The following CAMKMT variants were observed in gnomAD, a reference collection of about 807,000 sequenced individuals.
The protein encoded by CAMKMT is calmodulin-lysine N-methyltransferase.
Under a neutral mutation model 48.0 loss-of-function variants are expected in CAMKMT, and 53 were observed. That is an observed-to-expected ratio of 1.10 (90% CI 0.89 to 1.39). CAMKMT has a LOEUF of 1.39. Ranked by LOEUF, CAMKMT falls within the 40% of genes most tolerant of loss-of-function variation. The pLI, the probability that CAMKMT is intolerant of heterozygous loss-of-function variation, is 0.00. For missense variants in CAMKMT, 428 were observed against 402.7 expected (o/e 1.06, Z -0.54); for synonymous variants, 165 against 152.3 (o/e 1.08, Z -0.61).
intron 3 of CAMKMT, among the ~76,000 whole-genome samples, chr2:44,505,628 T>A (rs1670219438): frequency 6.6e-6 from 1 of 152,132 alleles, no homozygotes; most frequent in Non-Finnish European, 1.5e-5. Context: ...TTCTTTATCA[T>A]AAAGGTCTTC....
chr2:44,587,369 AC>A (rs1331373765), intron 3 of CAMKMT, among the ~76,000 whole-genome samples: 3 of 152,156 alleles, frequency 2.0e-5, no homozygotes, highest in Non-Finnish European at 2.9e-5. Flanking sequence ...TGTCAGATTT[AC>A]CCCTAAGAAT....
At chr2:44,525,558 T>TA (rs1414888908) in intron 3 of CAMKMT, among the ~76,000 whole-genome samples, 1 of 152,222 alleles carries the variant, frequency 6.6e-6, no homozygotes, top group East Asian at 1.9e-4. Context: ...TGGGCTGAGA[T>TA]ATTCTTTTCT....
chr2:44,469,431 G>C (rs556055530), intron 3 of CAMKMT, among the ~76,000 whole-genome samples: 1 of 151,588 alleles, frequency 6.6e-6, no homozygotes, highest in Non-Finnish European at 1.5e-5. Context: ...CTTTCAATGC[G>C]TAGCTTTAAG....
intron 3 of CAMKMT, among the ~76,000 whole-genome samples, chr2:44,699,316 A>T (rs111542495): frequency 1.2e-4 from 18 of 152,268 alleles, no homozygotes; most frequent in African/African-American, 4.3e-4. Context: ...AGTCAAAATG[A>T]CTCCTTGATC....
chr2:44,701,334 G>C (rs2104257800), intron 3 of CAMKMT, among the ~76,000 whole-genome samples: 1 of 152,222 alleles, frequency 6.6e-6, no homozygotes, highest in East Asian at 1.9e-4. Flanking sequence ...ATCCTAGTGG[G>C]TGTGAAGTGG....
intron 3 of CAMKMT, among the ~76,000 whole-genome samples, chr2:44,523,703 C>T (rs886373575): frequency 6.6e-6 from 1 of 151,434 alleles, no homozygotes. Flanking sequence ...CTGTATATGA[C>T]CTCTATGGGG....
chr2:44,519,556 C>A (rs960974101), intron 3 of CAMKMT, among the ~76,000 whole-genome samples: 1 of 152,120 alleles, frequency 6.6e-6, no homozygotes, highest in African/African-American at 2.4e-5. Context: ...AGGATAATTT[C>A]ATAAAGATAA....
At position 44,759,904 on chromosome 2, in the gene CAMKMT, A is replaced by G. The variant is rs141150959; in HGVS notation, c.762+5786A>G. ...AGGTAGAACTATAGCAGACAATGTA[A>G]AATACAGCCCAGTGCTATTTTTATT... is the stretch of plus-strand genomic sequence containing the variant. On this transcript the variant is annotated intron_variant, in intron 9 of 10. Transcript: ENST00000378494. 2.8e-3 allele frequency among the ~76,000 whole-genome samples: 425 copies of G among 152,338 alleles called. 3 individuals are homozygous for G. The highest frequency in any genetic ancestry group is 9.6e-3 in the African/African-American group (400 of 41,578).
chr2:44,471,401 C>T (rs1037990239), intron 3 of CAMKMT, among the ~76,000 whole-genome samples: 3 of 151,970 alleles, frequency 2.0e-5, no homozygotes, highest in Non-Finnish European at 4.4e-5. Flanking sequence ...AGTTTGAGAC[C>T]AGCCAAGGCA....
At chr2:44,477,601 T>C (rs921835439) in intron 3 of CAMKMT, among the ~76,000 whole-genome samples, 2 of 152,214 alleles carry the variant, frequency 1.3e-5, no homozygotes, top group South Asian at 4.1e-4. Context: ...TCTAGAATTA[T>C]AAGGTTATAG....
At chr2:44,714,516 C>T (rs372649002) in intron 6 of CAMKMT, among the ~76,000 whole-genome samples, 2 of 152,312 alleles carry the variant, frequency 1.3e-5, no homozygotes, top group South Asian at 2.1e-4. Flanking sequence ...CATTTTCTCT[C>T]AAAGATTCTC....
chr2:44,494,343 A>C (rs1363669372), intron 3 of CAMKMT, among the ~76,000 whole-genome samples: 2 of 152,078 alleles, frequency 1.3e-5, no homozygotes, highest in Non-Finnish European at 2.9e-5. Context: ...AGATTTTGTG[A>C]GTGGTATTTT....
intron 3 of CAMKMT, among the ~76,000 whole-genome samples, chr2:44,452,853 T>A (rs1667362837): frequency 6.6e-6 from 1 of 152,012 alleles, no homozygotes; most frequent in Admixed American, 6.6e-5. Context: ...CCCTTTGATA[T>A]CCTGCAGCCA....
chr2:44,643,627 A>T (rs1258599813), intron 3 of CAMKMT, among the ~76,000 whole-genome samples: 1 of 152,184 alleles, frequency 6.6e-6, no homozygotes, highest in Non-Finnish European at 1.5e-5. Context: ...GAAAGAATAA[A>T]ATATTTCCAA....
At chr2:44,563,211 A>T (rs1007401901) in intron 3 of CAMKMT, among the ~76,000 whole-genome samples, 7 of 148,576 alleles carry the variant, frequency 4.7e-5, no homozygotes, top group Admixed American at 2.7e-4. Flanking sequence ...TCTCTTCGGG[A>T]TGTATTTCCC....
chr2:44,770,825 T>C lies in CAMKMT; in HGVS notation c.895-1211T>C, dbSNP rs574306837. Among the ~76,000 whole-genome samples the C allele has an allele frequency of 1.4e-3, 207 of 152,286 alleles. No homozygotes were observed. In the Middle Eastern group the frequency reaches 0.014, roughly 10 times the overall value. The stretch of plus-strand genomic sequence containing the variant: ...AAAAATCCACAAGGATCTTCCTAAA[T>C]AGACAACAAATCATCTGTACACAGA... On this transcript the variant is annotated intron_variant, in intron 10 of 10. Transcript: ENST00000378494.
chr2:44,642,640 T>G (rs533140208), intron 3 of CAMKMT, among the ~76,000 whole-genome samples: 69 of 152,316 alleles, frequency 4.5e-4, no homozygotes, highest in African/African-American at 1.5e-3. Context: ...CAATTCCTCC[T>G]GCTTGTGAGA....
intron 6 of CAMKMT, among the ~76,000 whole-genome samples, chr2:44,714,355 G>A (rs902715879): frequency 1.3e-5 from 2 of 152,160 alleles, no homozygotes; most frequent in African/African-American, 4.8e-5. Context: ...TAAATATGGC[G>A]CTGGGTGATG....
chr2:44,473,336 T>C (rs965173220), intron 3 of CAMKMT, among the ~76,000 whole-genome samples: 1 of 152,228 alleles, frequency 6.6e-6, no homozygotes, highest in Non-Finnish European at 1.5e-5. Context: ...ATGTTAACAA[T>C]CTATGTTTTA....
Sources: allele counts gnomAD v4.1 joint callset (sites outside exome capture counted in the v4.1 genomes callset), GRCh38; gene constraint gnomAD v4.1.1; transcripts MANE v1.5; gene names NCBI Gene and HGNC (gene_info 2026-07-23, HGNC 2026-07-21).